ZC4H2: variants seen among roughly 807,000 people sequenced by gnomAD.
ZC4H2 encodes the protein zinc finger C4H2 domain-containing protein.
For missense variants in ZC4H2, 137 were observed against 173.9 expected (o/e 0.79, Z 1.19); for synonymous variants, 84 against 66.3 (o/e 1.27, Z -1.30).
intron 1 of ZC4H2, among the ~76,000 whole-genome samples, chrX:65,025,606 C>A (rs779811681): frequency 3.6e-5 from 4 of 111,341 alleles, no homozygotes; most frequent in Non-Finnish European, 7.5e-5. Flanking sequence ...CCAACCAATG[C>A]CCCAAAATAT....
intron 1 of ZC4H2, among the ~76,000 whole-genome samples, chrX:64,954,385 T>C (rs111878310): frequency 1.4e-5 from 1 of 73,587 alleles, no homozygotes; most frequent in East Asian, 3.3e-4. Context: ...TATATATATT[T>C]ATAATTATAT....
chrX:64,964,762 T>C (rs1345377962), intron 1 of ZC4H2, among the ~76,000 whole-genome samples: 1 of 111,371 alleles, frequency 9.0e-6, no homozygotes. Flanking sequence ...TAGAAAAATA[T>C]CATGATTATT....
At chrX:64,996,279 C>T (rs1447274029) in intron 1 of ZC4H2, among the ~76,000 whole-genome samples, 1 of 110,710 alleles carries the variant, frequency 9.0e-6, no homozygotes, top group Non-Finnish European at 1.9e-5. Context: ...ACTTCAGTAA[C>T]CACAGACAAG....
Position 64,919,811 on chromosome X carries a change from G to A in ZC4H2, c.398+270C>T, listed in dbSNP as rs762697599. 1.6e-5 allele frequency: 5 copies of A among 306,938 alleles called. No individual in the cohort carries two copies. In the South Asian group the frequency reaches 6.7e-4, roughly 41 times the overall value. The allele number at this position is 306,938 out of a possible 1,213,427, so 25.3% of individuals were successfully genotyped here. On this transcript the variant is annotated intron_variant, in intron 3 of 4. Coordinates refer to ENST00000374839, the MANE Select transcript of ZC4H2 (RefSeq NM_018684.4). The stretch of plus-strand genomic sequence containing the variant: ...TCTTGTATTGTCAATATCACACAAA[G>A]AATTTAAAAAGCCACCTAGTAGTTG...
chrX:64,965,711 G>A (rs747783356), intron 1 of ZC4H2, among the ~76,000 whole-genome samples: 4 of 110,387 alleles, frequency 3.6e-5, no homozygotes, highest in East Asian at 2.9e-4. Context: ...CATGGCGGGA[G>A]GATCGCTTGA....
intron 1 of ZC4H2, among the ~76,000 whole-genome samples, chrX:64,926,870 T>C (rs888814119): frequency 2.7e-5 from 3 of 111,763 alleles, no homozygotes; most frequent in African/African-American, 9.8e-5. Flanking sequence ...GGGCTGACTG[T>C]AAGATTGAGT....
intron 1 of ZC4H2, among the ~76,000 whole-genome samples, chrX:64,940,934 T>A (rs998716649): frequency 6.7e-4 from 75 of 112,161 alleles, no homozygotes; most frequent in African/African-American, 2.3e-3. Flanking sequence ...ATTCTGTGAA[T>A]AAATTCAATG....
chrX:64,953,386 C>A (rs1930967861), intron 1 of ZC4H2, among the ~76,000 whole-genome samples: 1 of 111,841 alleles, frequency 8.9e-6, no homozygotes, highest in South Asian at 3.7e-4. Flanking sequence ...GAACAGGCAA[C>A]CTACAGAATG....
chrX:64,966,470 A>G (rs1931596927), intron 1 of ZC4H2, among the ~76,000 whole-genome samples: 1 of 112,612 alleles, frequency 8.9e-6, no homozygotes, highest in Non-Finnish European at 1.9e-5. Context: ...AGAAATGGAA[A>G]CATTTTTCCA....
At chrX:64,936,314 G>A (rs1365288046) in intron 1 of ZC4H2, among the ~76,000 whole-genome samples, 1 of 111,375 alleles carries the variant, frequency 9.0e-6, no homozygotes, top group African/African-American at 3.3e-5. Flanking sequence ...ACCTGAAAGT[G>A]ATGGGTAGAA....
intron 1 of ZC4H2, among the ~76,000 whole-genome samples, chrX:64,974,320 A>G (rs1403681919): frequency 1.8e-5 from 2 of 111,703 alleles, no homozygotes; most frequent in East Asian, 2.8e-4. Context: ...GATTTTCTAC[A>G]TTATCATTTG....
intron 1 of ZC4H2, 105 bp from the exon 2 acceptor site, chrX:64,922,093 C>T: frequency 1.8e-6 from 2 of 1,118,862 alleles, no homozygotes; most frequent in Non-Finnish European, 2.4e-6. Context: ...TCCCCCTCTC[C>T]AGGCAGAGCC....
Position 64,917,549 on chromosome X carries a change from G to T in ZC4H2, c.*234C>A, listed in dbSNP as rs778133859. The T allele has an allele frequency of 3.6e-5, 14 of 383,853 alleles. No homozygotes were observed. In the Admixed American group the frequency reaches 6.0e-4, roughly 16 times the overall value. The allele number at this position is 383,853 out of a possible 1,213,427, so 31.6% of individuals were successfully genotyped here. A position where few individuals can be genotyped will look rare whatever the true frequency, so the allele number is the denominator to read the frequency against. ...AAGGGCAGGGGTTGAAATGTGAGTG[G>T]GAGAGAAGGGATCATCAGACACACT... On this transcript the variant is annotated 3_prime_UTR_variant, in exon 5 of 5. Transcript: ENST00000374839.
At chrX:64,946,739 T>C (rs958028685) in intron 1 of ZC4H2, among the ~76,000 whole-genome samples, 1 of 110,977 alleles carries the variant, frequency 9.0e-6, no homozygotes, top group African/African-American at 3.3e-5. Context: ...ATCTCAGGAG[T>C]GGGATTTCAC....
intron 1 of ZC4H2, among the ~76,000 whole-genome samples, chrX:64,965,127 A>G (rs1931542402): frequency 8.9e-6 from 1 of 112,050 alleles, no homozygotes; most frequent in African/African-American, 3.2e-5. Flanking sequence ...TACAGATCCA[A>G]CAAAATCCTA....
rs759081767 is a variant in ZC4H2 at position 64,959,322 on chromosome X, A to G, written c.53+17003T>C. On this transcript the variant is annotated intron_variant, in intron 1 of 4. Transcript: ENST00000374839. ...GGGAGAATTAAAACTGTCTTGTTTT[A>G]AACACTGTTATTTTAGGACTTTCTT... Among the ~76,000 whole-genome samples, 12 of 105,016 alleles carry G rather than the reference A, an allele frequency of 1.1e-4. No individual in the cohort carries two copies. In the East Asian group the frequency reaches 3.6e-3, roughly 31 times the overall value. 91.2% of individuals were successfully genotyped at this position (105,016 alleles called of 115,157 possible).
chrX:64,963,306 T>C (rs1176380398), intron 1 of ZC4H2, among the ~76,000 whole-genome samples: 2 of 111,774 alleles, frequency 1.8e-5, no homozygotes, highest in Non-Finnish European at 3.8e-5. Context: ...ACACTGAACA[T>C]AACTTCTGAA....
chrX:64,941,107 C>T (rs1366030996), intron 1 of ZC4H2, among the ~76,000 whole-genome samples: 1 of 111,630 alleles, frequency 9.0e-6, no homozygotes, highest in Non-Finnish European at 1.9e-5. Context: ...AGCAGTCCTT[C>T]ACATCCTTTG....
At chrX:64,954,798 C>G (rs1432562367) in intron 1 of ZC4H2, among the ~76,000 whole-genome samples, 1 of 110,740 alleles carries the variant, frequency 9.0e-6, no homozygotes, top group Non-Finnish European at 1.9e-5. Context: ...TATGGAATAA[C>G]AAGAAAATAC....
Sources: gnomAD v4.1 joint callset for allele counts (sites outside exome capture counted in the v4.1 genomes callset) on GRCh38, gnomAD v4.1.1 for gene constraint, MANE v1.5 for transcripts, NCBI Gene and HGNC (gene_info 2026-07-23, HGNC 2026-07-21) for gene names.